Variants in USH2A observed in about 807,000 individuals in gnomAD.
USH2A encodes usherin.
A neutral mutation model predicts 538.9 loss-of-function variants in USH2A; 443 were observed. The ratio of observed to expected loss-of-function variants is 0.82; its 90% CI spans 0.76 to 0.89. USH2A has a LOEUF of 0.89. Ranked by LOEUF, USH2A falls within the 40% of genes least tolerant of loss-of-function variation. USH2A has a pLI of 0.00. For missense variants in USH2A, 6,633 were observed against 6,324.8 expected (o/e 1.05, Z -1.65); for synonymous variants, 2,413 against 2,273.5 (o/e 1.06, Z -1.75).
intron 34 of USH2A, among the ~76,000 whole-genome samples, chr1:215,995,034 C>T (rs2102478532): frequency 6.6e-6 from 1 of 152,160 alleles, no homozygotes; most frequent in East Asian, 1.9e-4. Flanking sequence ...ACTTGTAACA[C>T]ACTGGGATTT....
chr1:215,889,157 A>T, intron 40 of USH2A, 103 bp from the exon 41 acceptor site: 1 of 1,378,042 alleles, frequency 7.3e-7, no homozygotes, highest in Admixed American at 1.9e-5. Flanking sequence ...TATGAAAATG[A>T]ACACTTGGTA....
intron 22 of USH2A, among the ~76,000 whole-genome samples, chr1:216,092,167 C>T (rs2032318079): frequency 6.6e-6 from 1 of 152,150 alleles, no homozygotes; most frequent in Non-Finnish European, 1.5e-5. Context: ...GTTATTGAGT[C>T]AATCAGCCAG....
rs970004960 is a variant in USH2A, at chr1:216,401,534, CA to C, written c.651+16979del. Among the ~76,000 whole-genome samples the C allele has an allele frequency of 3.3e-5, 5 of 151,942 alleles. No homozygotes were observed. The South Asian group carries it at 1.0e-3, about 32-fold the overall frequency. Reference sequence around the variant, plus strand: ...TAAACTTAATTTTTAAAAAAGTATCCAAAAAATATGCTATCTGTACAACATT... The same window carrying C: ...TAAACTTAATTTTTAAAAAAGTATCCAAAAATATGCTATCTGTACAACATT... On this transcript the variant is annotated intron_variant, in intron 3 of 71. Transcript: ENST00000307340.
intron 38 of USH2A, among the ~76,000 whole-genome samples, chr1:215,922,617 G>C (rs1177519590): frequency 6.6e-6 from 1 of 152,202 alleles, no homozygotes; most frequent in East Asian, 1.9e-4. Flanking sequence ...GGCACCCAGT[G>C]ACCTGGGAGT....
In USH2A at chr1:216,005,029, C is replaced by T. The variant is rs1668360099; in HGVS notation, c.6326-4467G>A. Among the ~76,000 whole-genome samples, 6 of 152,106 alleles carry T rather than the reference C, an allele frequency of 3.9e-5. No homozygotes were observed. The South Asian group carries it at 1.2e-3, about 32-fold the overall frequency. On this transcript the variant is annotated intron_variant, in intron 32 of 71. Coordinates refer to ENST00000307340, the MANE Select transcript of USH2A (RefSeq NM_206933.4). ...GATCTTTTGATTCTTCAGAGTAACACCCTGTAGTACCCTTCTTCTGCTCTT... is the reference window on the plus strand; with the variant it reads ...GATCTTTTGATTCTTCAGAGTAACATCCTGTAGTACCCTTCTTCTGCTCTT...
chr1:216,231,571 C>T (rs1019916874), intron 14 of USH2A, among the ~76,000 whole-genome samples: 2 of 149,064 alleles, frequency 1.3e-5, no homozygotes, highest in African/African-American at 4.9e-5. Flanking sequence ...TTTTTTGAGA[C>T]AGAGTCTTGC....
intron 41 of USH2A, among the ~76,000 whole-genome samples, chr1:215,881,611 T>C (rs1329163602): frequency 1.3e-5 from 2 of 152,350 alleles, no homozygotes; most frequent in Non-Finnish European, 2.9e-5. Flanking sequence ...AGAAAGATTA[T>C]GAAATATTGT....
At chr1:216,378,712 C>G (rs1441753635) in intron 3 of USH2A, among the ~76,000 whole-genome samples, 4 of 152,028 alleles carry the variant, frequency 2.6e-5, no homozygotes, top group Non-Finnish European at 5.9e-5. Flanking sequence ...CACCCCTCAC[C>G]AGGCACACAT....
chr1:216,093,730 A>C (rs2032363448), intron 22 of USH2A, among the ~76,000 whole-genome samples: 1 of 152,220 alleles, frequency 6.6e-6, no homozygotes, highest in South Asian at 2.1e-4. Context: ...GGTGGCTATA[A>C]ATACTCAAAA....
chr1:215,835,652 C>T (rs1389892966), intron 47 of USH2A, among the ~76,000 whole-genome samples: 3 of 152,124 alleles, frequency 2.0e-5, no homozygotes, highest in Admixed American at 2.0e-4. Flanking sequence ...TGTCTCACCC[C>T]ATGATTTCAG....
At chr1:215,669,371 C>T (rs1286676597) in intron 64 of USH2A, among the ~76,000 whole-genome samples, 1 of 152,206 alleles carries the variant, frequency 6.6e-6, no homozygotes, top group East Asian at 1.9e-4. Flanking sequence ...CCGATGGTGG[C>T]ATCGGTAAGT....
intron 32 of USH2A, among the ~76,000 whole-genome samples, chr1:216,019,412 T>G (rs1442803739): frequency 6.6e-6 from 1 of 152,200 alleles, no homozygotes; most frequent in Admixed American, 6.5e-5. Flanking sequence ...GTAGTAATTT[T>G]GTAGTAATGA....
At chr1:215,770,270 T>C (rs1661241041) in intron 55 of USH2A, among the ~76,000 whole-genome samples, 1 of 152,168 alleles carries the variant, frequency 6.6e-6, no homozygotes, top group Admixed American at 6.5e-5. Flanking sequence ...GTATTTAAGT[T>C]ACTCAATGGC....
At chr1:216,371,678 T>C (rs941807365) in intron 3 of USH2A, among the ~76,000 whole-genome samples, 2 of 152,322 alleles carry the variant, frequency 1.3e-5, no homozygotes, top group Non-Finnish European at 2.9e-5. Flanking sequence ...TTTTGGATGC[T>C]ATGTCTGTCA....
At chr1:215,873,600 A>G (rs1291363112) in intron 43 of USH2A, among the ~76,000 whole-genome samples, 2 of 152,202 alleles carry the variant, frequency 1.3e-5, no homozygotes, top group Non-Finnish European at 2.9e-5. Flanking sequence ...GTAGATTTAA[A>G]AATATATATG....
At chr1:216,266,829 A>C (rs1033281005) in intron 11 of USH2A, among the ~76,000 whole-genome samples, 1 of 152,086 alleles carries the variant, frequency 6.6e-6, no homozygotes. Flanking sequence ...TATTGAATCT[A>C]GGAAGAATGA....
At chr1:216,154,061 C>T (rs1453975235) in intron 21 of USH2A, among the ~76,000 whole-genome samples, 1 of 152,086 alleles carries the variant, frequency 6.6e-6, no homozygotes, top group African/African-American at 2.4e-5. Flanking sequence ...TACAGAGGTG[C>T]AGTAGCTTCA....
intron 35 of USH2A, among the ~76,000 whole-genome samples, chr1:215,987,365 G>A (rs7542206): frequency 7.9e-5 from 12 of 152,156 alleles, no homozygotes; most frequent in South Asian, 2.1e-4. Context: ...CAAAGGAAGC[G>A]TCAAGGTCCT....
chr1:215,795,534 G>T (rs772092422), intron 50 of USH2A, among the ~76,000 whole-genome samples: 5 of 152,174 alleles, frequency 3.3e-5, no homozygotes, highest in Non-Finnish European at 5.9e-5. Context: ...ACAAAGGACG[G>T]AGTATAGCAG....
Sources: allele counts gnomAD v4.1 joint callset (sites outside exome capture counted in the v4.1 genomes callset), GRCh38; gene constraint gnomAD v4.1.1; transcripts MANE v1.5; gene names NCBI Gene and HGNC (gene_info 2026-07-23, HGNC 2026-07-21).